CUX1: variants seen among roughly 807,000 people sequenced by gnomAD.
The protein encoded by CUX1 is cut like homeobox 1.
A neutral mutation model predicts 158.8 loss-of-function variants in CUX1; 31 were observed. The observed-to-expected ratio is 0.20, with a 90% confidence interval of 0.15 to 0.26. The LOEUF (loss-of-function observed/expected upper bound fraction) is 0.26, where lower values mean the gene tolerates loss of function less well. Ranked by LOEUF, CUX1 falls within the 10% of genes least tolerant of loss-of-function variation. CUX1 has a pLI of 1.00. For missense variants in CUX1, 1,589 were observed against 2,014.6 expected (o/e 0.79, Z 4.04); for synonymous variants, 879 against 862.1 (o/e 1.02, Z -0.34).
chr7:101,852,093 G>C (rs1406512268), intron 1 of CUX1, among the ~76,000 whole-genome samples: 4 of 151,852 alleles, frequency 2.6e-5, no homozygotes, highest in African/African-American at 9.7e-5. Context: ...GCCTCCCAAA[G>C]TGCTGTGATT....
At chr7:102,274,344 G>A (rs868945032) in intron 16 of CUX1, 1 of 1,559,398 alleles carries the variant, frequency 6.4e-7, no homozygotes, top group African/African-American at 1.4e-5. Flanking sequence ...GAGGAGGGAG[G>A]AGGAGGGAAG....
chr7:101,817,567 C>A, upstream of CUX1: 1 of 1,470,946 alleles, frequency 6.8e-7, no homozygotes, highest in Non-Finnish European at 9.0e-7. This position sits in a 1 kb window ranked among gnomAD's most constrained non-coding sequence, Gnocchi z 4.1. Flanking sequence ...AGCGGCGCAC[C>A]CTTAGGGTCC....
chr7:102,170,655 A>C, intron 10 of CUX1, 105 bp downstream of exon 10: 1 of 723,986 alleles, frequency 1.4e-6, no homozygotes. Flanking sequence ...TTTGGGAATC[A>C]CGTTTTAACT....
chr7:101,915,171 C>A (rs1804038303), intron 1 of CUX1, among the ~76,000 whole-genome samples: 1 of 152,140 alleles, frequency 6.6e-6, no homozygotes, highest in Non-Finnish European at 1.5e-5. Context: ...GAAAACAGGC[C>A]TTTTGGTGGC....
At chr7:102,259,741 TAAAAAA>T (rs11306437), downstream of CUX1, among the ~76,000 whole-genome samples, 86 of 74,618 alleles carry the variant, frequency 1.2e-3, 3 homozygotes, top group South Asian at 0.039. Context: ...TAAGAAATGT[TAAAAAA>T]AAAAAAAAAA....
chr7:101,959,913 T>C (rs1810263601), intron 2 of CUX1, among the ~76,000 whole-genome samples: 2 of 152,200 alleles, frequency 1.3e-5, no homozygotes, highest in Admixed American at 6.5e-5. Context: ...TTTGCAAGGC[T>C]TTTTAGAATA....
chr7:101,942,848 T>C (rs1244475735), intron 2 of CUX1, among the ~76,000 whole-genome samples: 2 of 152,196 alleles, frequency 1.3e-5, no homozygotes, highest in Non-Finnish European at 2.9e-5. Context: ...CCTGGGGTGG[T>C]GGGAGCAGCA....
At chr7:102,071,407 C>G (rs1483153537) in intron 4 of CUX1, among the ~76,000 whole-genome samples, 1 of 152,124 alleles carries the variant, frequency 6.6e-6, no homozygotes, top group Non-Finnish European at 1.5e-5. Flanking sequence ...TTTGTGGGTC[C>G]TCGATTGCCT....
chr7:102,227,829 G>A (rs940455228), intron 21 of CUX1, among the ~76,000 whole-genome samples, 160 bp downstream of exon 21: 1 of 152,102 alleles, frequency 6.6e-6, no homozygotes, highest in Non-Finnish European at 1.5e-5. Context: ...AGTAAGGAGC[G>A]TGCCGTCTGC....
chr7:102,127,490 T>C (rs1832763363), intron 8 of CUX1, among the ~76,000 whole-genome samples: 2 of 152,206 alleles, frequency 1.3e-5, no homozygotes, highest in South Asian at 4.1e-4. Context: ...ATTATAGGCA[T>C]GAGCTGCTTC....
intron 1 of CUX1, among the ~76,000 whole-genome samples, chr7:101,823,586 A>G (rs1792927253): frequency 6.6e-6 from 1 of 152,206 alleles, no homozygotes; most frequent in African/African-American, 2.4e-5. Context: ...TTACTCTGAG[A>G]CACCAGGGAA....
At chr7:101,857,516 C>T (rs1178681937) in intron 1 of CUX1, among the ~76,000 whole-genome samples, 1 of 152,166 alleles carries the variant, frequency 6.6e-6, no homozygotes, top group East Asian at 1.9e-4. Flanking sequence ...GCAGCGCACG[C>T]TTTGAGTCAG....
chr7:102,182,263 C>T (rs568966162), intron 11 of CUX1, among the ~76,000 whole-genome samples: 14 of 152,324 alleles, frequency 9.2e-5, no homozygotes, highest in African/African-American at 2.9e-4. Context: ...GGGCATTTCC[C>T]ATAAGCAGAA....
intron 16 of CUX1, among the ~76,000 whole-genome samples, chr7:102,199,501 C>G (rs1238946641): frequency 6.6e-6 from 1 of 152,232 alleles, no homozygotes. Context: ...CCATCCTCCC[C>G]ACTTAGGAAT....
intron 2 of CUX1, among the ~76,000 whole-genome samples, chr7:101,937,646 G>A (rs1807106507): frequency 6.6e-6 from 1 of 152,076 alleles, no homozygotes; most frequent in Non-Finnish European, 1.5e-5. Flanking sequence ...GAGTAGCTGG[G>A]ACTACAGGTA....
In CUX1 at chr7:102,035,127, A is replaced by G. The variant is rs558418256; in HGVS notation, c.189+6982A>G. Among the ~76,000 whole-genome samples, 70 of 152,138 alleles carry G rather than the reference A, an allele frequency of 4.6e-4. 1 individual carries two copies. In the South Asian group the frequency reaches 0.012, roughly 25 times the overall value. On this transcript the variant is annotated intron_variant, in intron 3 of 23. Coordinates refer to ENST00000292535, the MANE Select transcript of CUX1 (RefSeq NM_181552.4). The stretch of plus-strand genomic sequence containing the variant: ...AACCAGGAACAAGACAAGAATACCT[A>G]CTATTGCTACTTTAATTAACACTGT...
At chr7:101,960,255 G>A (rs147971670) in intron 2 of CUX1, 5 of 152,300 alleles carry the variant, frequency 3.3e-5, no homozygotes, top group African/African-American at 1.2e-4. Flanking sequence ...GTGTAAAGGA[G>A]GATTGGCAAT....
intron 2 of CUX1, among the ~76,000 whole-genome samples, chr7:101,983,605 A>G (rs1219428434): frequency 1.3e-5 from 2 of 152,240 alleles, no homozygotes. Context: ...GCATGACGCC[A>G]GCATCTGCTG....
chr7:102,281,683 A>G (rs781984048), intron 20 of CUX1, among the ~76,000 whole-genome samples: 1 of 151,722 alleles, frequency 6.6e-6, no homozygotes, highest in Non-Finnish European at 1.5e-5. Flanking sequence ...GAATTCCAGC[A>G]GCCCATGTCC....
Sources: gnomAD v4.1 joint callset for allele counts (sites outside exome capture counted in the v4.1 genomes callset) on GRCh38, gnomAD v4.1.1 for gene constraint, Gnocchi (gnomAD v3.1) non-coding constraint, MANE v1.5 for transcripts, NCBI Gene and HGNC (gene_info 2026-07-23, HGNC 2026-07-21) for gene names.